Variants in RIC3 observed in about 807,000 individuals in gnomAD.
RIC3 encodes the protein RIC3 acetylcholine receptor chaperone.
RIC3 carries 28 observed loss-of-function variants against 27.3 expected under a neutral mutation model. That is an observed-to-expected ratio of 1.02 (90% confidence interval 0.76 to 1.41). The LOEUF (loss-of-function observed/expected upper bound fraction) is 1.41. Among genes scored for constraint, RIC3 ranks in the 40% most tolerant of loss-of-function variants. RIC3 has a pLI of 0.00. For missense variants in RIC3, 501 were observed against 444.7 expected (o/e 1.13, Z -1.14); for synonymous variants, 184 against 160.4 (o/e 1.15, Z -1.11).
chr11:8,138,486 T>C (rs1352800322), intron 2 of RIC3, 139 bp from the exon 3 acceptor site: 24 of 481,468 alleles, frequency 5.0e-5, no homozygotes, highest in Non-Finnish European at 6.9e-5. Flanking sequence ...ACTAGAGAAA[T>C]AGCTCAAAAA....
chr11:8,100,463 T>G, the RIC3 span: 3 of 1,537,548 alleles, frequency 2.0e-6, no homozygotes, highest in Non-Finnish European at 2.7e-6. Context: ...AGTAGGTAAA[T>G]AGACGCCTCA....
intron 3 of RIC3, among the ~76,000 whole-genome samples, chr11:8,137,889 G>A (rs762968525): frequency 7.0e-6 from 1 of 142,966 alleles, no homozygotes. Flanking sequence ...TGTATAATAA[G>A]TATCTGATGG....
chr11:8,122,101 C>T (rs528720290), intron 5 of RIC3, among the ~76,000 whole-genome samples: 11 of 152,118 alleles, frequency 7.2e-5, no homozygotes, highest in Non-Finnish European at 1.2e-4. Context: ...ACCCTTTATC[C>T]AGTTTCTCCC....
chr11:8,117,955 G>A (rs570868419), intron 5 of RIC3, among the ~76,000 whole-genome samples: 224 of 152,160 alleles, frequency 1.5e-3, no homozygotes, highest in South Asian at 4.8e-3. Flanking sequence ...GGGCACGGTC[G>A]CTCACGCCTG....
At chr11:8,146,949 T>C (rs771099697) in intron 1 of RIC3, among the ~76,000 whole-genome samples, 2 of 152,174 alleles carry the variant, frequency 1.3e-5, no homozygotes, top group Non-Finnish European at 2.9e-5. Flanking sequence ...GTTTCTTACA[T>C]GAAAGGAAAA....
chr11:8,167,693 T>G (rs886694306), intron 1 of RIC3, among the ~76,000 whole-genome samples: 5 of 150,062 alleles, frequency 3.3e-5, no homozygotes, highest in African/African-American at 1.2e-4. Context: ...AGGATCATCA[T>G]GAATTGACTC....
At chr11:8,113,296 C>T (rs1230464984) in intron 5 of RIC3, among the ~76,000 whole-genome samples, 1 of 152,190 alleles carries the variant, frequency 6.6e-6, no homozygotes, top group African/African-American at 2.4e-5. Context: ...TGACTATCTG[C>T]TTTAAGAGGG....
At chr11:8,140,969 A>G (rs1292636945) in intron 1 of RIC3, among the ~76,000 whole-genome samples, 1 of 149,834 alleles carries the variant, frequency 6.7e-6, no homozygotes, top group Non-Finnish European at 1.5e-5. Flanking sequence ...TACTTTACAG[A>G]CAAGCAAATG....
chr11:8,120,021 G>T (rs1035374403), intron 5 of RIC3, among the ~76,000 whole-genome samples: 1 of 152,134 alleles, frequency 6.6e-6, no homozygotes, highest in South Asian at 2.1e-4. Flanking sequence ...AATGGCAATC[G>T]TTAAAAAGTA....
chr11:8,095,777 T>A, the RIC3 span: 1 of 1,167,450 alleles, frequency 8.6e-7, no homozygotes, highest in Non-Finnish European at 1.2e-6. Flanking sequence ...CTGGCAATGG[T>A]GGGTGAGGGT....
the RIC3 span, chr11:8,094,010 T>C: frequency 6.2e-7 from 1 of 1,613,942 alleles, no homozygotes; most frequent in Non-Finnish European, 8.5e-7. Flanking sequence ...CCACTGCCTG[T>C]TTCTCTCTCT....
In RIC3 at chr11:8,140,191, T is replaced by C. The variant is rs1241194864; in HGVS notation, c.127A>G (p.Lys43Glu). The C allele has an allele frequency of 6.2e-7, 1 of 1,610,012 alleles. No individual in the cohort carries two copies. Among genetic ancestry groups the C allele is most frequent in the South Asian group, 1.1e-5 (1 of 90,164 alleles). ...ATCATAGGTGGAAATCGGCCCAATT[T>C]TCCTGAGAAAATAATAATCACTTTT... Reference protein sequence around the residue: ...RQEPPPTPEGKLGRFPPMMHH... With the variant: ...RQEPPPTPEGELGRFPPMMHH... Residue 43 changes from lysine to glutamate, a missense_variant and splice_region_variant, in exon 2 of 6, where the codon AAA becomes GAA. By Grantham distance (56) the Lys-to-Glu change is moderately conservative. Transcript: ENST00000309737.
At chr11:8,122,668 ATAAT>A (rs1171257599) in intron 5 of RIC3, among the ~76,000 whole-genome samples, 1 of 152,200 alleles carries the variant, frequency 6.6e-6, no homozygotes, top group African/African-American at 2.4e-5. Context: ...ATATAACTAA[ATAAT>A]TAGCCCTAGA....
intron 2 of RIC3, 143 bp from the exon 3 acceptor site, chr11:8,138,490 TC>T: frequency 4.8e-6 from 2 of 413,860 alleles, no homozygotes; most frequent in Non-Finnish European, 8.4e-6. Flanking sequence ...GAGAAATAGC[TC>T]AAAAAAAAAA....
chr11:8,159,472 C>T (rs1207479150), intron 1 of RIC3, among the ~76,000 whole-genome samples: 2 of 152,066 alleles, frequency 1.3e-5, no homozygotes, highest in Non-Finnish European at 2.9e-5. Flanking sequence ...TGTGAGTTGA[C>T]TTAAGCTTCA....
intron 4 of RIC3, among the ~76,000 whole-genome samples, chr11:8,135,315 G>C (rs965673325): frequency 1.3e-5 from 2 of 152,158 alleles, no homozygotes; most frequent in Non-Finnish European, 2.9e-5. Flanking sequence ...TTACTTCTGA[G>C]GGCTCTGTTC....
At chr11:8,115,453 G>T (rs529021674) in intron 5 of RIC3, among the ~76,000 whole-genome samples, 97 of 152,234 alleles carry the variant, frequency 6.4e-4, no homozygotes, top group African/African-American at 2.2e-3. Context: ...ATGCTCAAGG[G>T]TGTTCTTCAA....
At chr11:8,143,871 G>A (rs1484153733) in intron 1 of RIC3, among the ~76,000 whole-genome samples, 1 of 151,880 alleles carries the variant, frequency 6.6e-6, no homozygotes, top group Non-Finnish European at 1.5e-5. Context: ...CAGAAATAAC[G>A]CCGCATATCT....
At position 8,168,980 on chromosome 11, in the gene RIC3, A is replaced by T; in HGVS notation, c.10T>A (p.Ser4Thr). 1.9e-6 allele frequency: 3 copies of T among 1,597,484 alleles called. No individual in the cohort carries two copies. Among genetic ancestry groups the T allele is most frequent in the Non-Finnish European group, 2.6e-6 (3 of 1,173,172 alleles). Residue 4 changes from serine to threonine, a missense_variant, in exon 1 of 6, where the codon TCC (serine) becomes ACC (threonine). By Grantham distance (58) the Ser-to-Thr change is moderately conservative. Transcript: ENST00000309737. MAY[S>T]TVQRVALASG... ...GCCAGAGCGACTCTCTGCACTGTGG[A>T]GTACGCCATGACTGCTCACGGTGGT...
Sources: gnomAD v4.1 joint callset for allele counts (sites outside exome capture counted in the v4.1 genomes callset) on GRCh38, gnomAD v4.1.1 for gene constraint, MANE v1.5 for transcripts, NCBI Gene and HGNC (gene_info 2026-07-23, HGNC 2026-07-21) for gene names.